DYNLL2: variants seen among roughly 807,000 people sequenced by gnomAD.
DYNLL2 encodes the protein dynein light chain 2, cytoplasmic.
DYNLL2 carries 1 observed loss-of-function variant against 9.7 expected under a neutral mutation model. The observed-to-expected ratio is 0.10, with a 90% CI of 0.04 to 0.49. The LOEUF is 0.49. Among genes scored for constraint, DYNLL2 ranks in the 20% least tolerant of loss-of-function variants. DYNLL2 has a pLI of 0.95. For synonymous variants in DYNLL2, 35 were observed against 40.5 expected, an observed-to-expected ratio of 0.86 and a Z score of 0.52; for missense variants, 37 against 115.2, an observed-to-expected ratio of 0.32 and a Z score of 3.11.
In DYNLL2 at chr17:58,092,606, C is replaced by CTGGGGACCCCCT. The variant is rs577896415; in HGVS notation, c.*3329_*3340dup. Reference sequence around the variant, plus strand: ...TCCTTGTATCCTGTTCTCCAGTCTTCTGGGGACCCCCTTTGACTGAACCCA... The same window carrying CTGGGGACCCCCT: ...TCCTTGTATCCTGTTCTCCAGTCTTCTGGGGACCCCCTTGGGGACCCCCTTTGACTGAACCCA... On this transcript the variant is annotated 3_prime_UTR_variant, in exon 3 of 3. Coordinates refer to ENST00000579991, the MANE Select transcript of DYNLL2 (RefSeq NM_080677.3). 7.9e-5 allele frequency: 12 copies of CTGGGGACCCCCT among 152,374 alleles called. No individual in the cohort carries two copies. The highest frequency in any genetic ancestry group is 2.9e-4 in the African/African-American group (12 of 41,566). 9.4% of individuals were successfully genotyped at this position (152,374 alleles called of 1,614,324 possible). A position where few individuals can be genotyped will look rare whatever the true frequency, so the allele number is the denominator to read the frequency against.
At chr17:58,088,189 G>T (rs2075767379) in intron 2 of DYNLL2, among the ~76,000 whole-genome samples, 1 of 152,178 alleles carries the variant, frequency 6.6e-6, no homozygotes, top group African/African-American at 2.4e-5. Context: ...AGATTTTCTG[G>T]TCTGCGCTCT....
Position 58,095,324 on chromosome 17 carries a change from C to A in DYNLL2, c.*6045C>A, listed in dbSNP as rs575483612. 2.0e-5 allele frequency: 3 copies of A among 152,308 alleles called. No individual in the cohort carries two copies. The highest frequency in any genetic ancestry group is 4.4e-5 in the Non-Finnish European group (3 of 68,020). The allele number at this position is 152,308 out of a possible 1,614,324, so 9.4% of individuals were successfully genotyped here. The stretch of plus-strand genomic sequence containing the variant: ...AATAAAACTTTTAAAAAGCAGGGGA[C>A]AGATTGGGCCTGTGGACCATAGTAT... On this transcript the variant is annotated 3_prime_UTR_variant, in exon 3 of 3. Transcript: ENST00000579991.
rs1364955443 is a variant in DYNLL2, at chr17:58,094,253, C to A, written c.*4974C>A. 1 of 152,154 alleles carries A rather than the reference C, an allele frequency of 6.6e-6. No individual in the cohort carries two copies. Among genetic ancestry groups the A allele is most frequent in the Non-Finnish European group, 1.5e-5 (1 of 68,030 alleles). The allele number at this position is 152,154 out of a possible 1,614,324, so 9.4% of individuals were successfully genotyped here. A position where few individuals can be genotyped will look rare whatever the true frequency, so the allele number is the denominator to read the frequency against. ...TCTCTCAGATCCTCGATTTCTTCAT[C>A]TGTAAGATGGAAACAATATGTGTCT... is the stretch of plus-strand genomic sequence containing the variant. On this transcript the variant is annotated 3_prime_UTR_variant, in exon 3 of 3. Coordinates refer to ENST00000579991, the MANE Select transcript of DYNLL2 (RefSeq NM_080677.3).
Position 58,089,187 on chromosome 17 carries a change from C to G in DYNLL2, c.178C>G (p.Arg60Gly). ...CCCTACCTGGCATTGTATCGTGGGCCGAAATTTTGGCAGCTACGTCACACA... is the reference window on the plus strand; with the variant it reads ...CCCTACCTGGCATTGTATCGTGGGCGGAAATTTTGGCAGCTACGTCACACA... ...YNPTWHCIVGRNFGSYVTHET... is the reference protein window; with the variant it reads ...YNPTWHCIVGGNFGSYVTHET... The change falls in exon 3 of 3, where the codon CGA becomes GGA. Residue 60 changes from arginine to glycine, a missense_variant. Arg to Gly is a moderately radical substitution (Grantham distance 125). Coordinates refer to ENST00000579991, the MANE Select transcript of DYNLL2 (RefSeq NM_080677.3). The G allele has an allele frequency of 6.2e-7, 1 of 1,613,938 alleles. No homozygotes were observed. The highest frequency in any genetic ancestry group is 8.5e-7 in the Non-Finnish European group (1 of 1,179,964).
chr17:58,084,044 T>C (rs1437611904), intron 1 of DYNLL2, among the ~76,000 whole-genome samples: 1 of 151,812 alleles, frequency 6.6e-6, no homozygotes, highest in African/African-American at 2.4e-5. Context: ...GGCTCGGGCG[T>C]GACGCGGCTC....
chr17:58,086,189 ATC>A (rs2075759343), intron 1 of DYNLL2, among the ~76,000 whole-genome samples: 1 of 152,182 alleles, frequency 6.6e-6, no homozygotes, highest in Non-Finnish European at 1.5e-5. Context: ...AATTATCATT[ATC>A]TCTGCCCCAC....
chr17:58,084,978 AC>A (rs2075753809), intron 1 of DYNLL2, among the ~76,000 whole-genome samples: 1 of 152,110 alleles, frequency 6.6e-6, no homozygotes, highest in Non-Finnish European at 1.5e-5. Context: ...ATTTGAGTTT[AC>A]CCCATTTATC....
In DYNLL2 at chr17:58,094,472, T is replaced by C. The variant is rs2075791218; in HGVS notation, c.*5193T>C. The C allele has an allele frequency of 2.0e-5, 3 of 152,096 alleles. No homozygotes were observed. Among genetic ancestry groups the C allele is most frequent in the Non-Finnish European group, 2.9e-5 (2 of 67,982 alleles). The allele number at this position is 152,096 out of a possible 1,614,324, so 9.4% of individuals were successfully genotyped here. Reference sequence around the variant, plus strand: ...TATACCCATGTTATAGGGAAGGAAATAGGGAAGAAACTTGTCTAAGGTCAC... The same window carrying C: ...TATACCCATGTTATAGGGAAGGAAACAGGGAAGAAACTTGTCTAAGGTCAC... On this transcript the variant is annotated 3_prime_UTR_variant, in exon 3 of 3. Transcript: ENST00000579991.
In DYNLL2 at chr17:58,089,678, G is replaced by T. The variant is rs756792245; in HGVS notation, c.*399G>T. 3.2e-5 allele frequency: 13 copies of T among 409,210 alleles called. No individual in the cohort carries two copies. The highest frequency in any genetic ancestry group is 5.5e-5 in the Non-Finnish European group (13 of 234,632). 25.3% of individuals were successfully genotyped at this position (409,210 alleles called of 1,614,324 possible). A position where few individuals can be genotyped will look rare whatever the true frequency, so the allele number is the denominator to read the frequency against. On this transcript the variant is annotated 3_prime_UTR_variant, in exon 3 of 3. Transcript: ENST00000579991. ...GAGGTGGAACTAAAACTGTGCAGCT[G>T]CCTCTTCCTGGCGGTGGATGCTGCT...
chr17:58,087,283 C>T, intron 2 of DYNLL2, 61 bp downstream of exon 2: 5 of 1,598,848 alleles, frequency 3.1e-6, no homozygotes, highest in Non-Finnish European at 4.3e-6. Flanking sequence ...AGCTAACCTC[C>T]AGGGAGATCT....
intron 1 of DYNLL2, among the ~76,000 whole-genome samples, 159 bp from the exon 2 acceptor site, chr17:58,086,923 C>T (rs2075762034): frequency 6.6e-6 from 1 of 152,130 alleles, no homozygotes; most frequent in Non-Finnish European, 1.5e-5. Context: ...ATGTCTCTGC[C>T]AAAGCTTAGG....
chr17:58,089,978 G>T lies in DYNLL2; in HGVS notation c.*699G>T. ...GTGTCTTTGTGGATTACCTTCTTTT[G>T]TTCTTCCTGCCAGAGATCATGACAG... On this transcript the variant is annotated 3_prime_UTR_variant, in exon 3 of 3. Coordinates refer to ENST00000579991, the MANE Select transcript of DYNLL2 (RefSeq NM_080677.3). 2 of 398,612 alleles carry T rather than the reference G, an allele frequency of 5.0e-6. No homozygotes were observed. Among genetic ancestry groups the T allele is most frequent in the Non-Finnish European group, 8.8e-6 (2 of 226,060 alleles). 24.7% of individuals were successfully genotyped at this position (398,612 alleles called of 1,614,324 possible). A position where few individuals can be genotyped will look rare whatever the true frequency, so the allele number is the denominator to read the frequency against.
At position 58,089,564 on chromosome 17, in the gene DYNLL2, CTT is replaced by C; in HGVS notation, c.*287_*288del. 1 of 458,660 alleles carries C rather than the reference CTT, an allele frequency of 2.2e-6. No homozygotes were observed. The highest frequency in any genetic ancestry group is 3.5e-5 in the East Asian group (1 of 28,828). 28.4% of individuals were successfully genotyped at this position (458,660 alleles called of 1,614,324 possible). A position where few individuals can be genotyped will look rare whatever the true frequency, so the allele number is the denominator to read the frequency against. On this transcript the variant is annotated 3_prime_UTR_variant, in exon 3 of 3. Coordinates refer to ENST00000579991, the MANE Select transcript of DYNLL2 (RefSeq NM_080677.3). ...AATCTCTCCCACCTCTCCCTTTTCT[CTT>C]TCTTTCCCTATACAAAATAAAAGGC...
chr17:58,084,186 G>C (rs1310263088), intron 1 of DYNLL2, among the ~76,000 whole-genome samples: 1 of 151,998 alleles, frequency 6.6e-6, no homozygotes, highest in East Asian at 1.9e-4. Flanking sequence ...CCGGCGGCGC[G>C]GGCGGGAGGT....
intron 2 of DYNLL2, among the ~76,000 whole-genome samples, chr17:58,087,566 C>T (rs1598088310): frequency 6.6e-6 from 1 of 152,116 alleles, no homozygotes; most frequent in Admixed American, 6.5e-5. Flanking sequence ...AAATTAAAAT[C>T]TAGGATATTT....
chr17:58,088,801 C>T (rs987908356), intron 2 of DYNLL2, among the ~76,000 whole-genome samples: 2 of 151,954 alleles, frequency 1.3e-5, no homozygotes, highest in African/African-American at 4.8e-5. Context: ...CCACTGGCCT[C>T]TTGATTCCCT....
chr17:58,087,887 C>T (rs2075766000), intron 2 of DYNLL2, among the ~76,000 whole-genome samples: 1 of 152,224 alleles, frequency 6.6e-6, no homozygotes, highest in South Asian at 2.1e-4. Context: ...CTGGGACCCC[C>T]TGATTCCCAG....
intron 1 of DYNLL2, among the ~76,000 whole-genome samples, chr17:58,085,036 G>C (rs1385780366): frequency 6.6e-6 from 1 of 152,192 alleles, no homozygotes; most frequent in East Asian, 1.9e-4. Flanking sequence ...ATTTGCCCAA[G>C]GTCACGTAAC....
In DYNLL2 at chr17:58,090,252, ATGTG is replaced by A. The variant is rs1191770438; in HGVS notation, c.*980_*983del. ...TGAATATGTGTGTATATGTGTGTGT[ATGTG>A]TGTGTGGGGTTTGGGGTAGAAGGGA... On this transcript the variant is annotated 3_prime_UTR_variant, in exon 3 of 3. Coordinates refer to ENST00000579991, the MANE Select transcript of DYNLL2 (RefSeq NM_080677.3). 5.4e-6 allele frequency: 1 copy of A among 186,694 alleles called. No homozygotes were observed. The highest frequency in any genetic ancestry group is 1.1e-5 in the Non-Finnish European group (1 of 91,574). The allele number at this position is 186,694 out of a possible 1,614,324, so 11.6% of individuals were successfully genotyped here.
Sources: allele counts gnomAD v4.1 joint callset (sites outside exome capture counted in the v4.1 genomes callset), GRCh38; gene constraint gnomAD v4.1.1; transcripts MANE v1.5; gene names NCBI Gene and HGNC (gene_info 2026-07-23, HGNC 2026-07-21).